Variants in CADPS observed in about 807,000 individuals in gnomAD.
The protein encoded by CADPS is calcium-dependent secretion activator 1.
A neutral mutation model predicts 167.3 loss-of-function variants in CADPS; 57 were observed. That is an observed-to-expected ratio of 0.34 (90% CI 0.28 to 0.42). The LOEUF is 0.42. Among genes scored for constraint, CADPS ranks in the 20% least tolerant of loss-of-function variants. CADPS has a pLI of 1.00. For synonymous variants in CADPS, 676 were observed against 635.3 expected, an observed-to-expected ratio of 1.06 and a Z score of -0.96; for missense variants, 1,414 against 1,738.1, an observed-to-expected ratio of 0.81 and a Z score of 3.32.
At chr3:62,549,765 C>A in intron 11 of CADPS, 138 bp downstream of exon 11, 1 of 684,112 alleles carries the variant, frequency 1.5e-6, no homozygotes. Context: ...CCAACTTTCC[C>A]CCTGAATTCA....
rs549851467 is a variant in CADPS at position 62,659,213 on chromosome 3, G to A, written c.969+3101C>T. Among the ~76,000 whole-genome samples the A allele has an allele frequency of 1.1e-3, 170 of 152,196 alleles. 1 individual carries two copies. Among genetic ancestry groups the A allele is most frequent in the African/African-American group, 3.8e-3 (159 of 41,544 alleles). ...TATGGGTTGAATTGCACATCCTCAC[G>A]AAAATTCACTGTGATGCTGGAAATA... is the stretch of plus-strand genomic sequence containing the variant. On this transcript the variant is annotated intron_variant, in intron 4 of 29. Transcript: ENST00000383710.
At chr3:62,498,460 T>C (rs2065173438) in intron 18 of CADPS, among the ~76,000 whole-genome samples, 1 of 152,132 alleles carries the variant, frequency 6.6e-6, no homozygotes, top group African/African-American at 2.4e-5. Context: ...AGCATTGATA[T>C]AACCATTTAA....
In CADPS at chr3:62,837,361, C is replaced by A. The variant is rs546421105; in HGVS notation, c.441+37228G>T. On this transcript the variant is annotated intron_variant, in intron 1 of 29. Coordinates refer to ENST00000383710, the MANE Select transcript of CADPS (RefSeq NM_003716.4). ...AGTTCCCCAACCCGCATGGAGAACA[C>A]CCTTTGCTCCCACTGACCTCACAGG... Among the ~76,000 whole-genome samples the A allele has an allele frequency of 9.2e-5, 14 of 152,296 alleles. No individual in the cohort carries two copies. In the South Asian group the frequency reaches 2.5e-3, roughly 27 times the overall value.
intron 1 of CADPS, among the ~76,000 whole-genome samples, chr3:62,836,512 G>A (rs1380776416): frequency 1.3e-5 from 2 of 152,162 alleles, no homozygotes; most frequent in South Asian, 2.1e-4. Context: ...CCCTAAGGAG[G>A]TAATGTGAGA....
At position 62,874,868 on chromosome 3, in the gene CADPS, G is replaced by T. The variant is rs1280042644; in HGVS notation, c.162C>A (p.Gly54=). The change falls in exon 1 of 30, where the codon GGC becomes GGA. Residue 54 remains glycine (G), a synonymous_variant. Transcript: ENST00000383710. This position sits in a 1 kb window ranked among gnomAD's most constrained non-coding sequence, Gnocchi z 7.1. The part of the protein sequence containing the change: ...GSAGLGGGGA[G]AGAGVGAGGG... ...CGCCTGCACCCACCCCGGCTCCGGCGCCGGCGCCGCCGCCCCCCAGCCCGG... is the reference window on the plus strand; with the variant it reads ...CGCCTGCACCCACCCCGGCTCCGGCTCCGGCGCCGCCGCCCCCCAGCCCGG... 2 of 1,127,414 alleles carry T rather than the reference G, an allele frequency of 1.8e-6. No individual in the cohort carries two copies. The highest frequency in any genetic ancestry group is 5.1e-5 in the Admixed American group (1 of 19,608). The allele number at this position is 1,127,414 out of a possible 1,614,324, so 69.8% of individuals were successfully genotyped here. A position where few individuals can be genotyped will look rare whatever the true frequency, so the allele number is the denominator to read the frequency against.
At chr3:62,743,489 T>A (rs570667759) in intron 3 of CADPS, among the ~76,000 whole-genome samples, 1 of 152,314 alleles carries the variant, frequency 6.6e-6, no homozygotes, top group East Asian at 1.9e-4. Context: ...ATTTTATGTA[T>A]GATGTTGTAT....
chr3:62,644,579 G>A (rs1428417763), intron 6 of CADPS, among the ~76,000 whole-genome samples: 1 of 152,118 alleles, frequency 6.6e-6, no homozygotes, highest in Non-Finnish European at 1.5e-5. Flanking sequence ...ACTTCCTCAT[G>A]GTATGGCCCT....
intron 3 of CADPS, among the ~76,000 whole-genome samples, chr3:62,740,349 G>C (rs1045718894): frequency 3.3e-5 from 5 of 152,202 alleles, no homozygotes; most frequent in Non-Finnish European, 5.9e-5. Flanking sequence ...AAGCAAGCAT[G>C]ATGGCTGGTA....
chr3:62,457,577 T>G (rs1014804016), intron 26 of CADPS, among the ~76,000 whole-genome samples: 2 of 152,224 alleles, frequency 1.3e-5, no homozygotes, highest in African/African-American at 4.8e-5. Flanking sequence ...TGCTAAAATA[T>G]AAGTCACAAG....
chr3:62,607,785 T>C (rs1429557743), intron 6 of CADPS, among the ~76,000 whole-genome samples: 4 of 152,170 alleles, frequency 2.6e-5, no homozygotes, highest in Non-Finnish European at 4.4e-5. Context: ...CTGTGAGCCA[T>C]GCTTGTCTCT....
chr3:62,832,164 G>C (rs1158437455), intron 1 of CADPS, among the ~76,000 whole-genome samples: 1 of 152,162 alleles, frequency 6.6e-6, no homozygotes, highest in Non-Finnish European at 1.5e-5. Flanking sequence ...ATTCTGAATG[G>C]GTTTGTCAGG....
chr3:62,665,359 A>G (rs2150578412), intron 3 of CADPS, among the ~76,000 whole-genome samples: 1 of 152,328 alleles, frequency 6.6e-6, no homozygotes, highest in Admixed American at 6.5e-5. Flanking sequence ...ATGTGAAACA[A>G]CTTTGTAAGG....
intron 2 of CADPS, among the ~76,000 whole-genome samples, chr3:62,762,938 TTG>T (rs2085870249): frequency 6.6e-6 from 1 of 152,112 alleles, no homozygotes; most frequent in Non-Finnish European, 1.5e-5. Context: ...GAGTGTGAAG[TTG>T]TGGCATGGTA....
chr3:62,703,396 T>C lies in CADPS; in HGVS notation c.889-41002A>G, dbSNP rs78860080. Among the ~76,000 whole-genome samples the C allele has an allele frequency of 7.1e-3, 1,084 of 152,242 alleles. 18 individuals carry two copies. Among genetic ancestry groups the C allele is most frequent in the African/African-American group, 0.025 (1,025 of 41,508 alleles). The stretch of plus-strand genomic sequence containing the variant: ...TTAATTTAAGGAAAATCAGTGGGTA[T>C]TTTTTGACTTCTAGTGTAGGGAATT... On this transcript the variant is annotated intron_variant, in intron 3 of 29. Transcript: ENST00000383710.
chr3:62,663,240 T>C (rs1219187003), intron 3 of CADPS, among the ~76,000 whole-genome samples: 1 of 152,144 alleles, frequency 6.6e-6, no homozygotes, highest in Non-Finnish European at 1.5e-5. Context: ...CTAAACAATA[T>C]GTAAGTATAG....
chr3:62,432,295 T>C (rs1247908008), intron 28 of CADPS, among the ~76,000 whole-genome samples: 2 of 152,138 alleles, frequency 1.3e-5, no homozygotes, highest in African/African-American at 2.4e-5. Flanking sequence ...GATGGGGAAA[T>C]TGAGGCTTAG....
chr3:62,689,322 C>G (rs2078666956), intron 3 of CADPS, among the ~76,000 whole-genome samples: 1 of 151,938 alleles, frequency 6.6e-6, no homozygotes. Context: ...AAATGTGAAT[C>G]TAAAGAGACC....
intron 28 of CADPS, among the ~76,000 whole-genome samples, chr3:62,418,569 G>A (rs1158499752): frequency 1.5e-5 from 2 of 137,698 alleles, no homozygotes; most frequent in East Asian, 4.3e-4. Flanking sequence ...TCAAACTTCT[G>A]AGCTCAAGTG....
intron 7 of CADPS, among the ~76,000 whole-genome samples, chr3:62,591,733 G>C (rs1218772555): frequency 6.6e-6 from 1 of 152,046 alleles, no homozygotes; most frequent in African/African-American, 2.4e-5. Flanking sequence ...GTTTTTAAGG[G>C]GGTTGGTACC....
Sources: allele counts gnomAD v4.1 joint callset (sites outside exome capture counted in the v4.1 genomes callset), GRCh38; gene constraint gnomAD v4.1.1; non-coding constraint Gnocchi (gnomAD v3.1); transcripts MANE v1.5; gene names NCBI Gene and HGNC (gene_info 2026-07-23, HGNC 2026-07-21).